Variants in AGMO observed in about 807,000 individuals in gnomAD.
AGMO encodes the protein glyceryl-ether monooxygenase.
AGMO carries 75 observed loss-of-function variants against 60.2 expected under a neutral mutation model. The observed-to-expected ratio is 1.25, with a 90% CI of 1.03 to 1.51. The LOEUF (loss-of-function observed/expected upper bound fraction) is 1.51. Among genes scored for constraint, AGMO ranks in the 40% most tolerant of loss-of-function variants. AGMO has a pLI of 0.00. For synonymous variants in AGMO, 261 were observed against 177.1 expected (o/e 1.47, Z -3.76); for missense variants, 763 against 525.5 (o/e 1.45, Z -4.42).
At chr7:15,389,937 G>A (rs1784069531) in intron 8 of AGMO, among the ~76,000 whole-genome samples, 1 of 152,148 alleles carries the variant, frequency 6.6e-6, no homozygotes, top group Admixed American at 6.5e-5. Flanking sequence ...GACCCAACAT[G>A]AGCCAGTAAG....
intron 5 of AGMO, among the ~76,000 whole-genome samples, chr7:15,397,035 A>T (rs2128488306): frequency 6.6e-6 from 1 of 152,174 alleles, no homozygotes; most frequent in East Asian, 1.9e-4. Flanking sequence ...TACACAGAAA[A>T]GTTCTCCAAG....
chr7:15,371,969 C>T (rs4463322), intron 10 of AGMO, among the ~76,000 whole-genome samples: 84,569 of 151,736 alleles, frequency 0.56, 24,111 homozygotes, highest in African/African-American at 0.66. Flanking sequence ...TAATATTTAT[C>T]CCTTTAATTC....
intron 3 of AGMO, among the ~76,000 whole-genome samples, chr7:15,456,270 T>C (rs906264833): frequency 2.0e-5 from 3 of 152,166 alleles, no homozygotes; most frequent in African/African-American, 7.2e-5. Flanking sequence ...TCTAAGATGC[T>C]AGTATAATGT....
In AGMO at chr7:15,319,360, C is replaced by A. The variant is rs78235685; in HGVS notation, c.1263+46154G>T. On this transcript the variant is annotated intron_variant, in intron 12 of 12. Transcript: ENST00000342526. ...CATGGAGTTTATCAACTGAAAGAGG[C>A]TAGAATAAAATCAGTCTAAAGTCTT... Among the ~76,000 whole-genome samples, 11 of 152,170 alleles carry A rather than the reference C, an allele frequency of 7.2e-5. No individual in the cohort carries two copies. In the East Asian group the frequency reaches 1.9e-3, roughly 27 times the overall value.
chr7:15,387,921 T>TCC (rs1554265132), intron 8 of AGMO, among the ~76,000 whole-genome samples: 5 of 146,748 alleles, frequency 3.4e-5, no homozygotes, highest in African/African-American at 1.3e-4. Context: ...TTTTTTTTTT[T>TCC]CCCCAAGACA....
intron 5 of AGMO, among the ~76,000 whole-genome samples, chr7:15,418,086 A>G (rs1205882999): frequency 6.6e-6 from 1 of 152,092 alleles, no homozygotes; most frequent in Non-Finnish European, 1.5e-5. Context: ...ATTTTAAATA[A>G]AATTTAATCT....
chr7:15,543,417 C>T (rs955750223), intron 3 of AGMO, among the ~76,000 whole-genome samples: 1 of 152,130 alleles, frequency 6.6e-6, no homozygotes, highest in Non-Finnish European at 1.5e-5. Context: ...AAAGCAAATT[C>T]AGTGAACCAG....
intron 3 of AGMO, among the ~76,000 whole-genome samples, chr7:15,452,019 T>C (rs1781867902): frequency 1.3e-5 from 2 of 152,212 alleles, no homozygotes. Context: ...GTTTTCAATC[T>C]TGTCTACCTA....
At position 15,387,270 on chromosome 7, in the gene AGMO, T is replaced by C. The variant is rs150377023; in HGVS notation, c.957+136A>G. ...TGGTGGATACTCATTAAGTAAGTTATGCACCACAGGACTGCATCTGACTGG... is the reference window on the plus strand; with the variant it reads ...TGGTGGATACTCATTAAGTAAGTTACGCACCACAGGACTGCATCTGACTGG... On this transcript the variant is annotated intron_variant, in intron 9 of 12. Coordinates refer to ENST00000342526, the MANE Select transcript of AGMO (RefSeq NM_001004320.2). 5,321 of 971,408 alleles carry C rather than the reference T, an allele frequency of 5.5e-3. 22 individuals are homozygous for C. The highest frequency in any genetic ancestry group is 0.011 in the Middle Eastern group (43 of 3,858). The allele number at this position is 971,408 out of a possible 1,614,324, so 60.2% of individuals were successfully genotyped here.
At chr7:15,137,885 A>G in the AGMO span, among the ~76,000 whole-genome samples, 1 of 149,862 alleles carries the variant, frequency 6.7e-6, no homozygotes, top group African/African-American at 2.5e-5. Context: ...CAATGAAACA[A>G]TGTAGAAGGC....
intron 3 of AGMO, among the ~76,000 whole-genome samples, chr7:15,499,327 C>G (rs987506434): frequency 6.6e-6 from 1 of 151,730 alleles, no homozygotes; most frequent in African/African-American, 2.4e-5. Flanking sequence ...TGAGTAGAAC[C>G]AAACAAAACT....
rs542583774 is a variant in AGMO, at chr7:15,539,396, T to G, written c.409+5376A>C. Among the ~76,000 whole-genome samples, 9 of 152,316 alleles carry G rather than the reference T, an allele frequency of 5.9e-5. No homozygotes were observed. The South Asian group carries it at 1.9e-3, about 32-fold the overall frequency. ...CACTTAAAAGTGAGAACATGTGGTA[T>G]GTGGTTTTCTCTTCCTTAGTTTGTT... is the stretch of plus-strand genomic sequence containing the variant. On this transcript the variant is annotated intron_variant, in intron 3 of 12. Coordinates refer to ENST00000342526, the MANE Select transcript of AGMO (RefSeq NM_001004320.2).
intron 12 of AGMO, among the ~76,000 whole-genome samples, chr7:15,293,073 T>G (rs1784319180): frequency 6.6e-6 from 1 of 152,110 alleles, no homozygotes; most frequent in Non-Finnish European, 1.5e-5. Flanking sequence ...CTTCCTCCAG[T>G]TTAGCCTGAG....
chr7:15,488,874 T>C (rs377652365), intron 3 of AGMO, among the ~76,000 whole-genome samples: 2 of 151,046 alleles, frequency 1.3e-5, no homozygotes, highest in African/African-American at 4.8e-5. Context: ...ATTTTCTTTG[T>C]TATGCTAAAA....
chr7:15,545,407 G>C (rs935643334), intron 2 of AGMO, among the ~76,000 whole-genome samples: 1 of 151,898 alleles, frequency 6.6e-6, no homozygotes, highest in African/African-American at 2.4e-5. Flanking sequence ...CATAAAATTT[G>C]CCTTTAGGTT....
the AGMO span, among the ~76,000 whole-genome samples, chr7:15,155,725 A>G: frequency 6.6e-6 from 1 of 152,080 alleles, no homozygotes; most frequent in Non-Finnish European, 1.5e-5. Flanking sequence ...CAGAGTTGCC[A>G]GAGTTCTTGC....
chr7:15,354,912 T>G (rs2128556257), intron 12 of AGMO, among the ~76,000 whole-genome samples: 1 of 152,146 alleles, frequency 6.6e-6, no homozygotes, highest in East Asian at 2.0e-4. Context: ...TCAAATATGT[T>G]AATTTATAGC....
intron 12 of AGMO, among the ~76,000 whole-genome samples, chr7:15,241,287 C>T (rs1489634212): frequency 4.0e-5 from 6 of 150,950 alleles, no homozygotes; most frequent in African/African-American, 7.3e-5. Context: ...GGTGAAACCC[C>T]GTCTCTACTA....
chr7:15,196,007 C>T (rs1781107096), downstream of AGMO, among the ~76,000 whole-genome samples: 1 of 151,576 alleles, frequency 6.6e-6, no homozygotes, highest in Non-Finnish European at 1.5e-5. Context: ...CCTCCCCTTC[C>T]CTCCTCTCTT....
Sources: allele counts gnomAD v4.1 joint callset (sites outside exome capture counted in the v4.1 genomes callset), GRCh38; gene constraint gnomAD v4.1.1; transcripts MANE v1.5; gene names NCBI Gene and HGNC (gene_info 2026-07-23, HGNC 2026-07-21).